The following WDR35 variants were observed in gnomAD, a reference collection of about 807,000 sequenced individuals.
The protein encoded by WDR35 is WD repeat-containing protein 35.
WDR35 carries 118 observed loss-of-function variants against 158.3 expected under a neutral mutation model. The observed-to-expected ratio is 0.75, with a 90% CI of 0.64 to 0.87. WDR35 has a LOEUF of 0.87. Ranked by LOEUF, WDR35 falls within the 40% of genes least tolerant of loss-of-function variation. The pLI is 0.00. For missense variants in WDR35, 1,263 were observed against 1,405.8 expected (o/e 0.90, Z 1.62); for synonymous variants, 448 against 476.1 (o/e 0.94, Z 0.77).
intron 17 of WDR35, among the ~76,000 whole-genome samples, chr2:19,939,774 CAGTAA>C (rs980805658): frequency 6.6e-6 from 1 of 151,888 alleles, no homozygotes. Flanking sequence ...TGTTTAAAAG[CAGTAA>C]AGTATTCATT....
At chr2:19,989,095 T>C in intron 2 of WDR35, 70 bp downstream of exon 2, 2 of 1,311,282 alleles carry the variant, frequency 1.5e-6, no homozygotes, top group Non-Finnish European at 2.2e-6. Flanking sequence ...ACAGATAACA[T>C]GAGTAGACCG....
chr2:19,960,592 G>A lies in WDR35; in HGVS notation c.1217C>T (p.Ser406Phe). 6.2e-7 allele frequency: 1 copy of A among 1,608,650 alleles called. No homozygotes were observed. Among genetic ancestry groups the A allele is most frequent in the East Asian group, 2.2e-5 (1 of 44,674 alleles). ...HPQFVLVLCN[S>F]IGTPLDPKYI... ...TTTGGGATCCAAGGGTGTACCAATA[G>A]AATTACAAAGAACTAGTACAAACTG... Residue 406 changes from serine to phenylalanine, a missense_variant, in exon 11 of 27, where the codon TCT (serine) becomes TTT (phenylalanine). By Grantham distance (155) the Ser-to-Phe change is radical. Transcript: ENST00000281405.
chr2:19,962,456 T>A (rs915475569), intron 10 of WDR35: 1 of 836,826 alleles, frequency 1.2e-6, no homozygotes, highest in African/African-American at 1.7e-5. Flanking sequence ...AGGAAAATAA[T>A]CAAACGTAAT....
chr2:19,974,060 T>C (rs887633198), intron 7 of WDR35, among the ~76,000 whole-genome samples: 1 of 151,198 alleles, frequency 6.6e-6, no homozygotes, highest in African/African-American at 2.4e-5. Context: ...AACGCACCAC[T>C]GCACTCCAGC....
chr2:19,937,832 T>C lies in WDR35; in HGVS notation c.2178A>G (p.Leu726=), dbSNP rs773852672. The change falls in exon 19 of 27, where the codon CTA becomes CTG. Residue 726 remains leucine, a synonymous_variant. Coordinates refer to ENST00000281405, the MANE Select transcript of WDR35 (RefSeq NM_020779.4). ...CAGCCTGTTTCATTGACTCACTCAGTAGTTTGCCCAAGCGCTTCACAAACT... is the reference window on the plus strand; with the variant it reads ...CAGCCTGTTTCATTGACTCACTCAGCAGTTTGCCCAAGCGCTTCACAAACT... The part of the protein sequence containing the change: ...GIKFVKRLGK[L]LSESMKQAEV... 1.8e-5 allele frequency: 29 copies of C among 1,614,156 alleles called. No individual in the cohort carries two copies. The highest frequency in any genetic ancestry group is 4.4e-5 in the South Asian group (4 of 91,082).
At chr2:19,939,390 T>G (rs1670800146) in intron 17 of WDR35, among the ~76,000 whole-genome samples, 1 of 152,108 alleles carries the variant, frequency 6.6e-6, no homozygotes. Context: ...TATTAAAAAT[T>G]AAAATATAAT....
In WDR35 at chr2:19,961,906, G is replaced by A. The variant is rs116816932; in HGVS notation, c.1195-1292C>T. 8.4e-3 allele frequency among the ~76,000 whole-genome samples: 1,272 copies of A among 152,238 alleles called. 14 individuals are homozygous for A. The highest frequency in any genetic ancestry group is 0.028 in the African/African-American group (1,143 of 41,534). The stretch of plus-strand genomic sequence containing the variant: ...AGGGCAATTTTGCTAGAGTTTTGGC[G>A]GGAAATCATTAGGCATCCATCCACT... On this transcript the variant is annotated intron_variant, in intron 10 of 26. Coordinates refer to ENST00000281405, the MANE Select transcript of WDR35 (RefSeq NM_020779.4).
chr2:19,966,861 G>T lies in WDR35; in HGVS notation c.1057C>A (p.Arg353Ser). ...CAGAAGACAACACAATATTCTGGACGATCAGGTCTGGTATATGCATAAACT... is the reference window on the plus strand; with the variant it reads ...CAGAAGACAACACAATATTCTGGACTATCAGGTCTGGTATATGCATAAACT... ...TVVYAYTRPD[R>S]PEYCVVFWDT... The change falls in exon 10 of 27, where the codon CGT becomes AGT. Residue 353 changes from arginine to serine, a missense_variant. Transcript: ENST00000281405. The T allele has an allele frequency of 1.2e-6, 2 of 1,613,842 alleles. No individual in the cohort carries two copies. The highest frequency in any genetic ancestry group is 1.7e-6 in the Non-Finnish European group (2 of 1,179,916).
chr2:19,927,832 T>C (rs1183976494), intron 25 of WDR35, among the ~76,000 whole-genome samples: 1 of 152,242 alleles, frequency 6.6e-6, no homozygotes, highest in Non-Finnish European at 1.5e-5. Flanking sequence ...TTAAAATGGA[T>C]AAAAACACTT....
Position 19,941,795 on chromosome 2 carries a change from T to C in WDR35, c.1890A>G (p.Leu630=). Residue 630 remains leucine (L), a synonymous_variant, in exon 17 of 27, where the codon TTA becomes TTG. Coordinates refer to ENST00000281405, the MANE Select transcript of WDR35 (RefSeq NM_020779.4). ...CATCCAAAAGAACAGATTTAATTTCTAAATCCTCAAAATTACAAATATATC... is the reference window on the plus strand; with the variant it reads ...CATCCAAAAGAACAGATTTAATTTCCAAATCCTCAAAATTACAAATATATC... ...TSGYICNFED[L]EIKSVLLDEI... is the part of the protein sequence containing the mutation. 6.4e-7 allele frequency: 1 copy of C among 1,574,438 alleles called. No homozygotes were observed. The highest frequency in any genetic ancestry group is 8.7e-7 in the Non-Finnish European group (1 of 1,152,288).
chr2:19,931,333 A>C lies in WDR35; in HGVS notation c.2900T>G (p.Ile967Arg). 6.2e-7 allele frequency: 1 copy of C among 1,612,952 alleles called. No individual in the cohort carries two copies. Among genetic ancestry groups the C allele is most frequent in the Non-Finnish European group, 8.5e-7 (1 of 1,179,646 alleles). ...CTTCATCTGTTCATGGTATTGCTCT[A>C]TAAGTAAGGCTGACAGTACATAGAG... ...KKLYVLSALL[I>R]EQYHEQMKNA... The change falls in exon 24 of 27, where the codon ATA (isoleucine) becomes AGA (arginine). Residue 967 changes from isoleucine to arginine, a missense_variant. Physicochemically the swap from Ile to Arg is moderately conservative, Grantham distance 97 (BLOSUM62 -3). Coordinates refer to ENST00000281405, the MANE Select transcript of WDR35 (RefSeq NM_020779.4).
At chr2:19,942,074 T>C (rs538283284) in intron 16 of WDR35, among the ~76,000 whole-genome samples, 428 of 152,316 alleles carry the variant, frequency 2.8e-3, no homozygotes, top group African/African-American at 9.3e-3. Flanking sequence ...TGATATTTTA[T>C]CCCTAAATAC....
At chr2:19,967,072 C>T (rs1386648150) in intron 9 of WDR35, among the ~76,000 whole-genome samples, 163 bp from the exon 10 acceptor site, 1 of 152,094 alleles carries the variant, frequency 6.6e-6, no homozygotes, top group African/African-American at 2.4e-5. Flanking sequence ...CAGATTCAAC[C>T]TTTTATAAAA....
At chr2:19,987,961 C>T (rs1164532556) in intron 2 of WDR35, among the ~76,000 whole-genome samples, 2 of 150,488 alleles carry the variant, frequency 1.3e-5, no homozygotes, top group Non-Finnish European at 2.9e-5. Flanking sequence ...TTTCTTTTAA[C>T]ACAGTTTTAA....
At chr2:19,960,877 C>T (rs1333636812) in intron 10 of WDR35, among the ~76,000 whole-genome samples, 2 of 152,250 alleles carry the variant, frequency 1.3e-5, no homozygotes, top group Non-Finnish European at 2.9e-5. Context: ...ACAAGAAACA[C>T]AAGTACTCTG....
intron 17 of WDR35, among the ~76,000 whole-genome samples, chr2:19,939,990 A>AT (rs1351808233): frequency 6.7e-6 from 1 of 148,364 alleles, no homozygotes; most frequent in Non-Finnish European, 1.5e-5. Context: ...CATATTCAAA[A>AT]TAAAAAAAAA....
At chr2:19,984,468 A>G (rs1672490049) in intron 2 of WDR35, among the ~76,000 whole-genome samples, 1 of 152,238 alleles carries the variant, frequency 6.6e-6, no homozygotes, top group South Asian at 2.1e-4. Flanking sequence ...TAATACTGAC[A>G]TAAATCTTCT....
chr2:19,932,435 C>G lies in WDR35; in HGVS notation c.2671G>C (p.Val891Leu). ...ATACTATGATTTTTAGCCAATTCAACAGCTTTGTTCCACTAGGAGAAAAAT... is the reference window on the plus strand; with the variant it reads ...ATACTATGATTTTTAGCCAATTCAAGAGCTTTGTTCCACTAGGAGAAAAAT... ...CVHLNQWNKA[V>L]ELAKNHSMKE... Residue 891 changes from valine to leucine, a missense_variant, in exon 23 of 27, where the codon GTT becomes CTT. Physicochemically the swap from Val to Leu is conservative, Grantham distance 32. Coordinates refer to ENST00000281405, the MANE Select transcript of WDR35 (RefSeq NM_020779.4). 2 of 1,613,202 alleles carry G rather than the reference C, an allele frequency of 1.2e-6. No individual in the cohort carries two copies. The highest frequency in any genetic ancestry group is 8.5e-7 in the Non-Finnish European group (1 of 1,179,494).
In WDR35 at chr2:19,911,171, A is replaced by T. The variant is rs911478586; in HGVS notation, c.*2387T>A. The T allele has an allele frequency of 1.3e-5, 2 of 152,252 alleles. No individual in the cohort carries two copies. The highest frequency in any genetic ancestry group is 4.8e-5 in the African/African-American group (2 of 41,462). 9.4% of individuals were successfully genotyped at this position (152,252 alleles called of 1,614,324 possible). ...GAAGCCTCCAAAAGAGAGTTTCCAA[A>T]GTTAGGTGAAGTCTGAGGAGTCAAC... On this transcript the variant is annotated 3_prime_UTR_variant, in exon 27 of 27. Coordinates refer to ENST00000281405, the MANE Select transcript of WDR35 (RefSeq NM_020779.4).
Sources: allele counts gnomAD v4.1 joint callset (sites outside exome capture counted in the v4.1 genomes callset), GRCh38; gene constraint gnomAD v4.1.1; transcripts MANE v1.5; gene names NCBI Gene and HGNC (gene_info 2026-07-23, HGNC 2026-07-21).